ATP10B: variants seen among roughly 807,000 people sequenced by gnomAD.
ATP10B encodes the protein phospholipid-transporting ATPase VB.
Under a neutral mutation model 141.2 loss-of-function variants are expected in ATP10B, and 122 were observed. The observed-to-expected ratio is 0.86, with a 90% CI of 0.75 to 1.00. The LOEUF is 1.00. Ranked by LOEUF, ATP10B falls within the 50% of genes least tolerant of loss-of-function variation. ATP10B has a pLI of 0.00. For missense variants in ATP10B, 1,876 were observed against 1,825.3 expected (o/e 1.03, Z -0.51); for synonymous variants, 685 against 692.0 (o/e 0.99, Z 0.16).
chr5:160,921,671 C>T, the ATP10B span, among the ~76,000 whole-genome samples: 1 of 152,208 alleles, frequency 6.6e-6, no homozygotes, highest in Non-Finnish European at 1.5e-5. Context: ...TTAAACAAAC[C>T]TAAGTTCCAT....
intron 13 of ATP10B, among the ~76,000 whole-genome samples, chr5:160,625,391 A>G (rs1758558846): frequency 6.6e-6 from 1 of 152,204 alleles, no homozygotes; most frequent in Admixed American, 6.5e-5. Context: ...GATTATGGAA[A>G]ATTTCATTTT....
intron 3 of ATP10B, among the ~76,000 whole-genome samples, chr5:160,709,259 C>T (rs1765210234): frequency 6.6e-6 from 1 of 152,138 alleles, no homozygotes. Flanking sequence ...ATAAATCTCA[C>T]TATATTAAAC....
intron 3 of ATP10B, among the ~76,000 whole-genome samples, chr5:160,708,029 C>T (rs1946606): frequency 0.21 from 31,900 of 152,044 alleles, 4,172 homozygotes; most frequent in East Asian, 0.7. Context: ...TTCCCCTCTT[C>T]ATTAAACCTC....
At chr5:160,689,094 A>G (rs1763927847) in intron 3 of ATP10B, among the ~76,000 whole-genome samples, 151 bp from the exon 4 acceptor site, 1 of 152,252 alleles carries the variant, frequency 6.6e-6, no homozygotes, top group South Asian at 2.1e-4. Context: ...CAATAAACGT[A>G]ATTCATCACA....
chr5:160,706,085 G>GC (rs1764996807), intron 3 of ATP10B, among the ~76,000 whole-genome samples: 1 of 152,230 alleles, frequency 6.6e-6, no homozygotes, highest in Non-Finnish European at 1.5e-5. Flanking sequence ...GATTAAGTTT[G>GC]CCACCTTACA....
intron 2 of ATP10B, among the ~76,000 whole-genome samples, chr5:160,758,274 T>A (rs966045552): frequency 6.6e-6 from 1 of 152,174 alleles, no homozygotes; most frequent in Non-Finnish European, 1.5e-5. Context: ...TTGTTTTTTT[T>A]AATCTGTAAC....
chr5:160,590,941 C>A (rs1756245612), intron 23 of ATP10B, 118 bp downstream of exon 23: 2 of 777,662 alleles, frequency 2.6e-6, no homozygotes, highest in South Asian at 3.6e-5. Flanking sequence ...CTGCAGGCTA[C>A]CTGTTTGAGC....
intron 7 of ATP10B, among the ~76,000 whole-genome samples, chr5:160,660,822 T>C (rs1761860438): frequency 6.6e-6 from 1 of 152,112 alleles, no homozygotes; most frequent in Non-Finnish European, 1.5e-5. Context: ...CCTACTACCA[T>C]GTTGTAAAAG....
chr5:160,747,969 T>G (rs1324795704), intron 2 of ATP10B, among the ~76,000 whole-genome samples: 1 of 140,188 alleles, frequency 7.1e-6, no homozygotes, highest in Admixed American at 7.4e-5. Flanking sequence ...TGAAGAGGTA[T>G]CTGGGTCCAG....
rs191093819 is a variant in ATP10B, at chr5:160,567,278, G to A, written c.3939-1378C>T. ...GTGAATATAGTTATAAATGGAGAAG[G>A]CAATGAGAGTGTCGAACATCAAACA... On this transcript the variant is annotated intron_variant, in intron 25 of 25. Coordinates refer to ENST00000327245, the MANE Select transcript of ATP10B (RefSeq NM_025153.3). Among the ~76,000 whole-genome samples, 66 of 152,244 alleles carry A rather than the reference G, an allele frequency of 4.3e-4. No individual in the cohort carries two copies. In the East Asian group the frequency reaches 0.011, roughly 26 times the overall value.
chr5:160,691,454 A>C (rs1764072604), intron 3 of ATP10B, among the ~76,000 whole-genome samples: 1 of 152,088 alleles, frequency 6.6e-6, no homozygotes, highest in South Asian at 2.1e-4. Flanking sequence ...TTTTTGGCCA[A>C]ATTTTTCTTA....
intron 10 of ATP10B, among the ~76,000 whole-genome samples, chr5:160,637,358 T>C (rs1393892226): frequency 6.6e-6 from 1 of 152,198 alleles, no homozygotes. Context: ...TCCATCCATC[T>C]ATGTTTACCC....
chr5:160,754,769 A>T (rs115678276), intron 2 of ATP10B, among the ~76,000 whole-genome samples: 6,454 of 152,268 alleles, frequency 0.042, 193 homozygotes, highest in Non-Finnish European at 0.061. Context: ...GCTGGCACTA[A>T]AAGAAGGCAC....
chr5:160,640,869 C>T (rs978566213), intron 9 of ATP10B, among the ~76,000 whole-genome samples: 3 of 152,162 alleles, frequency 2.0e-5, no homozygotes, highest in South Asian at 2.1e-4. Flanking sequence ...AACTTTAGAG[C>T]GTAGCCCTCA....
chr5:160,817,299 A>G (rs1354692699), intron 1 of ATP10B, among the ~76,000 whole-genome samples: 2 of 152,106 alleles, frequency 1.3e-5, no homozygotes, highest in African/African-American at 2.4e-5. Flanking sequence ...GGCAACTTCA[A>G]CAGTCTCAGG....
intron 1 of ATP10B, among the ~76,000 whole-genome samples, chr5:160,847,331 G>A (rs760073603): frequency 2.6e-5 from 4 of 152,096 alleles, no homozygotes; most frequent in African/African-American, 9.7e-5. Context: ...AGCAAGTTTC[G>A]CCATTTCTCT....
At chr5:160,620,029 G>A (rs1244696033) in intron 15 of ATP10B, among the ~76,000 whole-genome samples, 1 of 152,222 alleles carries the variant, frequency 6.6e-6, no homozygotes, top group Admixed American at 6.5e-5. Context: ...GATAATGGAT[G>A]TTCTAGTGCA....
upstream of ATP10B, among the ~76,000 whole-genome samples, chr5:160,854,709 T>C (rs1414121313): frequency 1.3e-5 from 2 of 152,088 alleles, no homozygotes; most frequent in African/African-American, 4.8e-5. Flanking sequence ...TCAAATTGTA[T>C]TTATGGTTCT....
At chr5:160,659,732 C>T (rs1031369244) in intron 7 of ATP10B, among the ~76,000 whole-genome samples, 3 of 151,872 alleles carry the variant, frequency 2.0e-5, no homozygotes, top group Non-Finnish European at 2.9e-5. Flanking sequence ...ATAGGGTTGC[C>T]CCATCACCAT....
Sources: allele counts gnomAD v4.1 joint callset (sites outside exome capture counted in the v4.1 genomes callset), GRCh38; gene constraint gnomAD v4.1.1; transcripts MANE v1.5; gene names NCBI Gene and HGNC (gene_info 2026-07-23, HGNC 2026-07-21).